The following NLGN2 variants were observed in gnomAD, a reference collection of about 807,000 sequenced individuals.
NLGN2 encodes the protein neuroligin 2.
NLGN2 carries 11 observed loss-of-function variants against 48.6 expected under a neutral mutation model. That is an observed-to-expected ratio of 0.23 (90% CI 0.14 to 0.37). NLGN2 has a LOEUF of 0.37. Ranked by LOEUF, NLGN2 falls within the 10% of genes least tolerant of loss-of-function variation. The pLI, the probability that NLGN2 is intolerant of heterozygous loss-of-function variation, is 1.00. For synonymous variants in NLGN2, 548 were observed against 550.0 expected (o/e 1.00, Z 0.05); for missense variants, 801 against 1,225.2 (o/e 0.65, Z 5.17).
Position 7,414,951 on chromosome 17 carries a change from G to T in NLGN2, c.845-5G>T, listed in dbSNP as rs536656260. 1.8e-5 allele frequency: 29 copies of T among 1,612,592 alleles called. No individual in the cohort carries two copies. The East Asian group carries it at 3.8e-4, about 21-fold the overall frequency. ...GCCTGGCCTGAGGTCTGCCTGTCCC[G>T]CCAGGGCTGTTCCAGAAGGCCATCG... On this transcript the variant is annotated splice_polypyrimidine_tract_variant and splice_region_variant and intron_variant, in intron 4 of 6. Transcript: ENST00000302926.
chr17:7,411,890 C>A lies in NLGN2; in HGVS notation c.458-267C>A, dbSNP rs1906910938. Among the ~76,000 whole-genome samples the A allele has an allele frequency of 6.6e-6, 1 of 151,968 alleles. No individual in the cohort carries two copies. The highest frequency in any genetic ancestry group is 1.5e-5 in the Non-Finnish European group (1 of 67,988). On this transcript the variant is annotated intron_variant, in intron 1 of 6. Coordinates refer to ENST00000302926, the MANE Select transcript of NLGN2 (RefSeq NM_020795.4). This position sits in a 1 kb window ranked among gnomAD's most constrained non-coding sequence, Gnocchi z 4.5. ...AGACAGGCCTCAGCCCACTCAGGCA[C>A]CCCACCCCCCCAAAACCAGCCTTTT...
At chr17:7,412,797 ATTTTTTTC>A (rs745597472) in intron 2 of NLGN2, among the ~76,000 whole-genome samples, 3 of 151,468 alleles carry the variant, frequency 2.0e-5, no homozygotes, top group Non-Finnish European at 2.9e-5. Flanking sequence ...AATGCAAAGA[ATTTTTTTC>A]TTTTTTTCTT....
At position 7,419,344 on chromosome 17, in the gene NLGN2, TG is replaced by T. The variant is rs1192565201; in HGVS notation, c.*1548del. On this transcript the variant is annotated 3_prime_UTR_variant, in exon 7 of 7. Coordinates refer to ENST00000302926, the MANE Select transcript of NLGN2 (RefSeq NM_020795.4). ...GTGACTCCCCGGAGGGCCTTGGGCT[TG>T]GGCATTTGGGAAAAGAATGATGTCT... The T allele has an allele frequency of 6.5e-6, 1 of 152,734 alleles. No individual in the cohort carries two copies. Among genetic ancestry groups the T allele is most frequent in the Non-Finnish European group, 1.5e-5 (1 of 68,122 alleles). 9.5% of individuals were successfully genotyped at this position (152,734 alleles called of 1,614,324 possible). A position where few individuals can be genotyped will look rare whatever the true frequency, so the allele number is the denominator to read the frequency against.
rs746323149 is a variant in NLGN2 at position 7,415,500 on chromosome 17, C to T, written c.1038-11C>T. 10 of 1,612,684 alleles carry T rather than the reference C, an allele frequency of 6.2e-6. No homozygotes were observed. The East Asian group carries it at 2.0e-4, about 32-fold the overall frequency. On this transcript the variant is annotated splice_polypyrimidine_tract_variant and intron_variant, in intron 5 of 6. Transcript: ENST00000302926. ...TGAGCAGGTGGTGAGACCCTGACCC[C>T]TTCTCCCCAGCTACCACATCGCCTT...
chr17:7,418,008 A>C lies in NLGN2; in HGVS notation c.*209A>C. On this transcript the variant is annotated 3_prime_UTR_variant, in exon 7 of 7. Transcript: ENST00000302926. ...TTCTCTGGATCTGGGCCTTTGAACA[A>C]CTGGGGGGCGTTTTCTCCCCCCCAT... 1.6e-5 allele frequency: 6 copies of C among 364,458 alleles called. No homozygotes were observed. Among genetic ancestry groups the C allele is most frequent in the East Asian group, 8.6e-5 (2 of 23,348 alleles). 22.6% of individuals were successfully genotyped at this position (364,458 alleles called of 1,614,324 possible).
chr17:7,410,478 A>G (rs1300559222), intron 1 of NLGN2, among the ~76,000 whole-genome samples: 1 of 151,486 alleles, frequency 6.6e-6, no homozygotes, highest in Non-Finnish European at 1.5e-5. Flanking sequence ...CTGCCATCCC[A>G]GCGCCTGCCC....
In NLGN2 at chr17:7,419,438, G is replaced by C. The variant is rs970375649; in HGVS notation, c.*1639G>C. ...TCTGCTGGCATTTTGTGGGGTGTTA[G>C]TGCCAAACTTGAATAGGGGCTGGGG... On this transcript the variant is annotated 3_prime_UTR_variant, in exon 7 of 7. Transcript: ENST00000302926. 6.5e-6 allele frequency: 1 copy of C among 152,692 alleles called. No individual in the cohort carries two copies. Among genetic ancestry groups the C allele is most frequent in the Non-Finnish European group, 1.5e-5 (1 of 68,104 alleles). The allele number at this position is 152,692 out of a possible 1,614,324, so 9.5% of individuals were successfully genotyped here. A position where few individuals can be genotyped will look rare whatever the true frequency, so the allele number is the denominator to read the frequency against.
intron 2 of NLGN2, among the ~76,000 whole-genome samples, chr17:7,412,640 A>C (rs1490763462): frequency 6.6e-6 from 1 of 152,208 alleles, no homozygotes; most frequent in Non-Finnish European, 1.5e-5. Context: ...AATTGATGAC[A>C]CCATTGAAAC....
Position 7,417,128 on chromosome 17 carries a change from A to G in NLGN2, c.1837A>G (p.Thr613Ala). The G allele has an allele frequency of 1.2e-6, 2 of 1,611,376 alleles. No individual in the cohort carries two copies. The highest frequency in any genetic ancestry group is 1.7e-6 in the Non-Finnish European group (2 of 1,179,822). Reference protein sequence around the residue: ...ELVPHLHNLHTELFTTTTRLP... With the variant: ...ELVPHLHNLHAELFTTTTRLP... ...CGTGCCCCACCTGCACAACCTGCACACGGAGCTCTTCACCACCACCACGCG... is the reference window on the plus strand; with the variant it reads ...CGTGCCCCACCTGCACAACCTGCACGCGGAGCTCTTCACCACCACCACGCG... Residue 613 changes from threonine to alanine, a missense_variant, in exon 7 of 7, where the codon ACG becomes GCG. Transcript: ENST00000302926.
At chr17:7,414,229 C>T (rs1471834469) in intron 2 of NLGN2, 115 bp from the exon 3 acceptor site, 1 of 916,872 alleles carries the variant, frequency 1.1e-6, no homozygotes, top group Non-Finnish European at 1.7e-6. Flanking sequence ...GTGACATGTC[C>T]CCTGAGCTCC....
At chr17:7,406,654 G>GGC (rs1555547598), upstream of NLGN2, among the ~76,000 whole-genome samples, 1 of 29,720 alleles carries the variant, frequency 3.4e-5, no homozygotes, top group Non-Finnish European at 1.4e-4. Context: ...GTGGGGGGGC[G>GGC]GGGGGGGGGC....
chr17:7,406,652 G>GC (rs1271950231), upstream of NLGN2, among the ~76,000 whole-genome samples: 2 of 129,082 alleles, frequency 1.5e-5, no homozygotes, highest in African/African-American at 2.7e-5. Context: ...TGGTGGGGGG[G>GC]CGGGGGGGGG....
chr17:7,417,614 C>T lies in NLGN2; in HGVS notation c.2323C>T (p.Arg775Trp), dbSNP rs1907175321. ...GCCCGACTACACCCTGGCCCTGCGC[C>T]GGGCACCGGACGATGTGCCTCTCTT... The part of the protein sequence containing the change: ...CPPDYTLALR[R>W]APDDVPLLAP... The change falls in exon 7 of 7, where the codon CGG (arginine) becomes TGG (tryptophan). Residue 775 changes from arginine to tryptophan, a missense_variant. Arg to Trp is a moderately radical substitution (Grantham distance 101, BLOSUM62 -3). This residue lies in a region of NLGN2 where 276 missense variants were observed against 313.9 expected (regional missense o/e 0.88). Coordinates refer to ENST00000302926, the MANE Select transcript of NLGN2 (RefSeq NM_020795.4). 3 of 1,419,390 alleles carry T rather than the reference C, an allele frequency of 2.1e-6. No homozygotes were observed. Among genetic ancestry groups the T allele is most frequent in the Non-Finnish European group, 2.7e-6 (3 of 1,096,188 alleles). The allele number at this position is 1,419,390 out of a possible 1,614,324, so 87.9% of individuals were successfully genotyped here. A position where few individuals can be genotyped will look rare whatever the true frequency, so the allele number is the denominator to read the frequency against.
intron 1 of NLGN2, among the ~76,000 whole-genome samples, chr17:7,410,666 C>A (rs1906844416): frequency 1.3e-5 from 2 of 152,194 alleles, no homozygotes; most frequent in South Asian, 4.1e-4. Flanking sequence ...CACCTCCACA[C>A]AGTTGTCCAC....
At chr17:7,407,035 G>C (rs77688556), upstream of NLGN2, among the ~76,000 whole-genome samples, 563 of 152,122 alleles carry the variant, frequency 3.7e-3, 6 homozygotes, top group East Asian at 0.017. Flanking sequence ...TAGCGTTCTT[G>C]GTGCCCCCAA....
upstream of NLGN2, among the ~76,000 whole-genome samples, chr17:7,406,290 A>G (rs894288475): frequency 6.6e-6 from 1 of 150,940 alleles, no homozygotes; most frequent in Non-Finnish European, 1.5e-5. Flanking sequence ...GTGGGAGGGA[A>G]GGAGGGAGCG....
At chr17:7,414,540 G>C (rs775986295) in intron 3 of NLGN2, 47 bp downstream of exon 3, 1 of 1,611,430 alleles carries the variant, frequency 6.2e-7, no homozygotes, top group Non-Finnish European at 8.5e-7. Context: ...TCTGGGAGGT[G>C]GGCCTGGTGG....
chr17:7,414,225 TG>T (rs1259395339), intron 2 of NLGN2, 118 bp from the exon 3 acceptor site: 1 of 871,802 alleles, frequency 1.1e-6, no homozygotes, highest in African/African-American at 1.7e-5. Context: ...GGGAGTGACA[TG>T]TCCCCTGAGC....
At chr17:7,415,194 G>A in intron 5 of NLGN2, 46 bp downstream of exon 5, 1 of 1,528,836 alleles carries the variant, frequency 6.5e-7, no homozygotes, top group African/African-American at 1.4e-5. Context: ...AGGTTCCAAG[G>A]AGGCTGAGGT....
Sources: gnomAD v4.1 joint callset for allele counts (sites outside exome capture counted in the v4.1 genomes callset) on GRCh38, gnomAD v4.1.1 for gene constraint, gnomAD v4.1.1 regional missense constraint, Gnocchi (gnomAD v3.1) non-coding constraint, MANE v1.5 for transcripts, NCBI Gene and HGNC (gene_info 2026-07-23, HGNC 2026-07-21) for gene names.